Variants in NAALADL2 observed in about 807,000 individuals in gnomAD.
NAALADL2 encodes the protein inactive N-acetylated-alpha-linked acidic dipeptidase-like protein 2.
Under a neutral mutation model 87.2 loss-of-function variants are expected in NAALADL2, and 76 were observed. The ratio of observed to expected loss-of-function variants is 0.87; its 90% CI spans 0.72 to 1.05. NAALADL2 has a LOEUF of 1.05. NAALADL2 is among the 50% of genes least tolerant of loss of function. The pLI, the probability that NAALADL2 is intolerant of heterozygous loss-of-function variation, is 0.00. For missense variants in NAALADL2, 1,089 were observed against 945.8 expected (o/e 1.15, Z -1.99); for synonymous variants, 354 against 331.0 (o/e 1.07, Z -0.75).
Position 175,649,780 on chromosome 3 carries a change from T to C in NAALADL2, c.1896+22394T>C, listed in dbSNP as rs78411322. ...CCCAGACCATCTGTAAATATAGGCA[T>C]ACTGGTGGTTAGGATTTCAACATAT... On this transcript the variant is annotated intron_variant, in intron 11 of 13. Coordinates refer to ENST00000454872, the MANE Select transcript of NAALADL2 (RefSeq NM_207015.3). Among the ~76,000 whole-genome samples the C allele has an allele frequency of 7.3e-3, 1,104 of 152,260 alleles. 10 individuals are homozygous for C. Among genetic ancestry groups the C allele is most frequent in the African/African-American group, 0.025 (1,058 of 41,538 alleles).
chr3:174,797,405 G>C (rs181911068), intron 3 of NAALADL2, among the ~76,000 whole-genome samples: 1 of 137,550 alleles, frequency 7.3e-6, no homozygotes, highest in East Asian at 2.4e-4. Context: ...TCTGCCTCCC[G>C]GGTTCAAGCG....
intron 1 of NAALADL2, among the ~76,000 whole-genome samples, chr3:175,064,805 C>T (rs78479069): frequency 0.083 from 12,594 of 152,040 alleles, 700 homozygotes; most frequent in East Asian, 0.21. Context: ...AAACTCTCTG[C>T]GTAGAAATCC....
chr3:174,507,619 C>A lies in NAALADL2; in HGVS notation c.-183-42950C>A, dbSNP rs183170473. Among the ~76,000 whole-genome samples the A allele has an allele frequency of 1.5e-3, 227 of 152,016 alleles. 6 individuals are homozygous for A. Among genetic ancestry groups the A allele is most frequent in the East Asian group, 5.0e-3 (26 of 5,186 alleles). ...CTGGCAACTATTGATCTGCTTTCTACACAACAGTTTTTAGGTTTTACATAA... is the reference window on the plus strand; with the variant it reads ...CTGGCAACTATTGATCTGCTTTCTAAACAACAGTTTTTAGGTTTTACATAA... On this transcript the variant is annotated intron_variant, in intron 1 of 3. Transcript: ENST00000434257.
chr3:175,218,809 T>G (rs1742920427), intron 2 of NAALADL2, among the ~76,000 whole-genome samples: 1 of 151,918 alleles, frequency 6.6e-6, no homozygotes, highest in Admixed American at 6.6e-5. Flanking sequence ...TTATTTTATT[T>G]TGTTTTGTTT....
chr3:175,396,346 C>T (rs1425944452), intron 5 of NAALADL2, among the ~76,000 whole-genome samples: 1 of 151,916 alleles, frequency 6.6e-6, no homozygotes, highest in African/African-American at 2.4e-5. Context: ...AAATTAAAAC[C>T]ATATTAAAAA....
At chr3:175,648,079 T>C (rs1165685543) in intron 11 of NAALADL2, among the ~76,000 whole-genome samples, 1 of 152,194 alleles carries the variant, frequency 6.6e-6, no homozygotes, top group Non-Finnish European at 1.5e-5. Flanking sequence ...TTCACATGAC[T>C]GGAGATTTAG....
chr3:175,705,517 A>G lies in NAALADL2; in HGVS notation c.1897-31789A>G, dbSNP rs563601412. On this transcript the variant is annotated intron_variant, in intron 11 of 13. Transcript: ENST00000454872. ...TATATTGTTGCTTTTCTCATCCTAA[A>G]GAAGTTGGAGGTGAGGAGAAAGAGA... 5.9e-5 allele frequency among the ~76,000 whole-genome samples: 9 copies of G among 151,594 alleles called. No individual in the cohort carries two copies. The East Asian group carries it at 1.7e-3, about 29-fold the overall frequency.
At chr3:174,733,760 C>G (rs1170690196) in intron 2 of NAALADL2, among the ~76,000 whole-genome samples, 1 of 152,178 alleles carries the variant, frequency 6.6e-6, no homozygotes. Flanking sequence ...TCAAATCCAT[C>G]TCTCTGACCT....
intron 13 of NAALADL2, among the ~76,000 whole-genome samples, chr3:175,780,013 A>G (rs554527562): frequency 2.6e-5 from 4 of 152,210 alleles, no homozygotes; most frequent in African/African-American, 9.6e-5. Context: ...TCACGCCTGT[A>G]ATCCCAGCAC....
chr3:175,221,924 A>AC (rs1743436876), intron 2 of NAALADL2, among the ~76,000 whole-genome samples: 1 of 151,896 alleles, frequency 6.6e-6, no homozygotes, highest in South Asian at 2.1e-4. Flanking sequence ...ACTGGTGCTC[A>AC]CCACCACACC....
At chr3:174,878,368 A>T (rs1728776107) in intron 1 of NAALADL2, among the ~76,000 whole-genome samples, 1 of 152,028 alleles carries the variant, frequency 6.6e-6, no homozygotes. Flanking sequence ...GGATTTGGCC[A>T]ACCTGTTGAA....
At chr3:175,511,516 A>C (rs1425649675) in intron 9 of NAALADL2, among the ~76,000 whole-genome samples, 1 of 152,230 alleles carries the variant, frequency 6.6e-6, no homozygotes, top group Non-Finnish European at 1.5e-5. Flanking sequence ...ATGCCCCAGA[A>C]GAGACCAAAC....
intron 5 of NAALADL2, among the ~76,000 whole-genome samples, chr3:175,336,811 C>T (rs1045292099): frequency 1.3e-5 from 2 of 152,140 alleles, no homozygotes; most frequent in Non-Finnish European, 2.9e-5. Context: ...GTTTTTTAAA[C>T]ACAAATTTGA....
At chr3:175,127,052 C>T (rs770948825) in intron 2 of NAALADL2, among the ~76,000 whole-genome samples, 17 of 152,008 alleles carry the variant, frequency 1.1e-4, no homozygotes, top group Non-Finnish European at 1.9e-4. Context: ...GGAACCAGGG[C>T]CATTGCTTTG....
intron 2 of NAALADL2, among the ~76,000 whole-genome samples, chr3:174,677,205 GT>G (rs1440519339): frequency 1.3e-5 from 2 of 151,820 alleles, no homozygotes; most frequent in Non-Finnish European, 2.9e-5. Context: ...TGACACATAT[GT>G]TTGTGACCTT....
At chr3:175,629,864 A>G (rs1582692065) in intron 11 of NAALADL2, among the ~76,000 whole-genome samples, 1 of 151,766 alleles carries the variant, frequency 6.6e-6, no homozygotes, top group Non-Finnish European at 1.5e-5. Flanking sequence ...ATTAGAGAGA[A>G]GATAACAAAT....
chr3:175,391,998 C>A (rs546264503), intron 5 of NAALADL2, among the ~76,000 whole-genome samples: 1 of 152,288 alleles, frequency 6.6e-6, no homozygotes, highest in South Asian at 2.1e-4. Flanking sequence ...TAGGTTCAGT[C>A]ATTCTCTCCA....
At chr3:175,098,906 T>TC (rs1171061571) in intron 2 of NAALADL2, among the ~76,000 whole-genome samples, 33 of 146,268 alleles carry the variant, frequency 2.3e-4, no homozygotes, top group African/African-American at 7.5e-4. Context: ...TTTTTTTTTT[T>TC]CCCTGAGCAT....
chr3:174,747,077 TG>T (rs1385689672), intron 3 of NAALADL2, among the ~76,000 whole-genome samples: 1 of 151,994 alleles, frequency 6.6e-6, no homozygotes, highest in East Asian at 1.9e-4. Context: ...AATTGACAAA[TG>T]GGATCTAATT....
Sources: allele counts gnomAD v4.1 joint callset (sites outside exome capture counted in the v4.1 genomes callset), GRCh38; gene constraint gnomAD v4.1.1; transcripts MANE v1.5; gene names NCBI Gene and HGNC (gene_info 2026-07-23, HGNC 2026-07-21).